PALM2AKAP2: variants seen among roughly 807,000 people sequenced by gnomAD.
The protein encoded by PALM2AKAP2 is PALM2 and AKAP2 fusion, also known as PALM2-AKAP2 fusion protein.
Under a neutral mutation model 71.5 loss-of-function variants are expected in PALM2AKAP2, and 37 were observed. The observed-to-expected ratio is 0.52, with a 90% confidence interval of 0.40 to 0.68. PALM2AKAP2 has a LOEUF of 0.68. Ranked by LOEUF, PALM2AKAP2 falls within the 30% of genes least tolerant of loss-of-function variation. The probability of loss-of-function intolerance (pLI) is 0.00; values close to 1 mark genes in which losing one functional copy is unlikely to be tolerated. For synonymous variants in PALM2AKAP2, 468 were observed against 478.8 expected (o/e 0.98, Z 0.29); for missense variants, 1,224 against 1,191.8 (o/e 1.03, Z -0.40).
exon 2 of PALM2AKAP2, chr9:110,137,439 C>T (rs764376988): frequency 8.7e-6 from 14 of 1,613,996 alleles, no homozygotes; most frequent in African/African-American, 5.3e-5. Context: ...GAGACCCCAT[C>T]GGCAGCAGGA....
chr9:109,750,482 G>A (rs930246983), intron 1 of PALM2AKAP2, among the ~76,000 whole-genome samples: 1 of 152,098 alleles, frequency 6.6e-6, no homozygotes, highest in Admixed American at 6.6e-5. Flanking sequence ...GCAATGCTAA[G>A]TATGATACCT....
chr9:110,157,207 C>T (rs1185690672), intron 3 of PALM2AKAP2, among the ~76,000 whole-genome samples: 1 of 152,176 alleles, frequency 6.6e-6, no homozygotes, highest in Non-Finnish European at 1.5e-5. Flanking sequence ...AGGGTTCATG[C>T]CAACCTCCTG....
intron 3 of PALM2AKAP2, among the ~76,000 whole-genome samples, chr9:109,886,035 T>C (rs1829956697): frequency 6.6e-6 from 1 of 152,252 alleles, no homozygotes; most frequent in Non-Finnish European, 1.5e-5. Context: ...GTCAGGATTA[T>C]ATTTTTGGCT....
intron 1 of PALM2AKAP2, among the ~76,000 whole-genome samples, chr9:109,741,248 C>G (rs768791452): frequency 5.9e-5 from 9 of 152,202 alleles, no homozygotes; most frequent in Admixed American, 6.5e-5. Context: ...GTTTCTTTCA[C>G]TCAATGGAAT....
At chr9:109,890,333 C>T (rs1007342612) in intron 3 of PALM2AKAP2, among the ~76,000 whole-genome samples, 6 of 152,166 alleles carry the variant, frequency 3.9e-5, no homozygotes, top group African/African-American at 1.4e-4. Flanking sequence ...ACTGTGGGAC[C>T]CGAGGCTGCT....
At chr9:109,644,990 A>T (rs1827128004) in intron 1 of PALM2AKAP2, among the ~76,000 whole-genome samples, 1 of 152,180 alleles carries the variant, frequency 6.6e-6, no homozygotes, top group African/African-American at 2.4e-5. Context: ...AAACTGTTTC[A>T]ACCTCTGCCT....
chr9:109,943,234 A>G, intron 6 of PALM2AKAP2: 2 of 1,614,190 alleles, frequency 1.2e-6, no homozygotes, highest in Non-Finnish European at 1.7e-6. Flanking sequence ...AGATGATGAG[A>G]AGTCATTGAG....
chr9:110,020,997 T>A (rs1393077420), intron 7 of PALM2AKAP2, among the ~76,000 whole-genome samples: 1 of 151,890 alleles, frequency 6.6e-6, no homozygotes, highest in Non-Finnish European at 1.5e-5. Flanking sequence ...TCCCAGCTAC[T>A]CCGGAGGCTG....
intron 1 of PALM2AKAP2, among the ~76,000 whole-genome samples, chr9:109,817,788 G>A (rs1314049317): frequency 6.6e-6 from 1 of 152,184 alleles, no homozygotes; most frequent in African/African-American, 2.4e-5. Flanking sequence ...GGGCCCCTTT[G>A]TTCCAAATGT....
intron 6 of PALM2AKAP2, among the ~76,000 whole-genome samples, chr9:109,972,274 G>C (rs1424862974): frequency 6.6e-6 from 1 of 152,160 alleles, no homozygotes; most frequent in Non-Finnish European, 1.5e-5. Flanking sequence ...GGATCAGAAG[G>C]AAATGAAAGC....
At chr9:109,839,379 CG>C (rs1564173338) in intron 1 of PALM2AKAP2, among the ~76,000 whole-genome samples, 2 of 152,146 alleles carry the variant, frequency 1.3e-5, no homozygotes, top group African/African-American at 4.8e-5. Flanking sequence ...ATTGATGGGA[CG>C]TATCTCAAAA....
chr9:109,971,264 T>A (rs1832059130), intron 6 of PALM2AKAP2, among the ~76,000 whole-genome samples: 1 of 149,958 alleles, frequency 6.7e-6, no homozygotes, highest in African/African-American at 2.5e-5. Context: ...GGCTTCCATG[T>A]TTATCCCACT....
Position 109,940,757 on chromosome 9 carries a change from T to C in PALM2AKAP2, c.496+8729T>C, listed in dbSNP as rs548455255. On this transcript the variant is annotated intron_variant, in intron 6 of 9. Coordinates refer to the PALM2AKAP2 transcript ENST00000302798. ...TCCTGGGAATAGTGAGAAGTCGTTA[T>C]GGCCACAATGTGTAAAGAATGAGAG... is the stretch of plus-strand genomic sequence containing the variant. Among the ~76,000 whole-genome samples the C allele has an allele frequency of 2.0e-5, 3 of 152,264 alleles. No individual in the cohort carries two copies. The East Asian group carries it at 5.8e-4, about 29-fold the overall frequency.
chr9:109,802,734 A>G (rs1265074821), intron 1 of PALM2AKAP2, among the ~76,000 whole-genome samples: 2 of 152,226 alleles, frequency 1.3e-5, no homozygotes, highest in South Asian at 2.1e-4. Flanking sequence ...AACTAGTCAT[A>G]TGACCACACC....
intron 3 of PALM2AKAP2, among the ~76,000 whole-genome samples, chr9:109,908,885 G>A (rs561779788): frequency 5.9e-4 from 89 of 150,098 alleles, no homozygotes; most frequent in Middle Eastern, 3.8e-3. Flanking sequence ...ATCACAGAGC[G>A]CTGGATTTAG....
chr9:110,068,538 A>AT (rs1391283152), intron 1 of PALM2AKAP2, among the ~76,000 whole-genome samples: 2 of 142,492 alleles, frequency 1.4e-5, no homozygotes, highest in East Asian at 2.0e-4. Context: ...AAAAAATTTA[A>AT]TTTTTTTTTG....
In PALM2AKAP2 at chr9:110,138,238, C is replaced by A. The variant is rs1363027254; in HGVS notation, c.2268C>A (p.Gly756=). Residue 756 remains glycine, a synonymous_variant, in exon 2 of 4, where the codon GGC becomes GGA. Coordinates refer to ENST00000374525, the Ensembl canonical transcript of PALM2AKAP2. ...CACTGCCAGCTGTGCAGCCCAGTGGCCCGATTAACATGGAGGAGACCAGGC... is the reference window on the plus strand; with the variant it reads ...CACTGCCAGCTGTGCAGCCCAGTGGACCGATTAACATGGAGGAGACCAGGC... 3.1e-6 allele frequency: 5 copies of A among 1,614,126 alleles called. No individual in the cohort carries two copies. In the African/African-American group the frequency reaches 6.7e-5, roughly 22 times the overall value.
chr9:109,683,392 C>A (rs1443824024), intron 1 of PALM2AKAP2, among the ~76,000 whole-genome samples: 2 of 152,034 alleles, frequency 1.3e-5, no homozygotes, highest in Non-Finnish European at 2.9e-5. Flanking sequence ...GAGAGAAGGT[C>A]ATGTGGAAAT....
At chr9:110,105,786 C>T (rs550001526) in intron 1 of PALM2AKAP2, among the ~76,000 whole-genome samples, 1 of 152,248 alleles carries the variant, frequency 6.6e-6, no homozygotes, top group Admixed American at 6.5e-5. Context: ...AGAAAACTGA[C>T]TTTATTACAA....
Sources: allele counts gnomAD v4.1 joint callset (sites outside exome capture counted in the v4.1 genomes callset), GRCh38; gene constraint gnomAD v4.1.1; transcripts MANE v1.5; gene names NCBI Gene and HGNC (gene_info 2026-07-23, HGNC 2026-07-21).